The following ASAP2 variants were observed in gnomAD, a reference collection of about 807,000 sequenced individuals.
ASAP2 encodes the protein arf-GAP with SH3 domain, ANK repeat and PH domain-containing protein 2.
Under a neutral mutation model 131.4 loss-of-function variants are expected in ASAP2, and 45 were observed. The observed-to-expected ratio is 0.34, with a 90% confidence interval of 0.27 to 0.44. ASAP2 has a LOEUF of 0.44. ASAP2 is among the 20% of genes least tolerant of loss of function. ASAP2 has a pLI of 1.00. For missense variants in ASAP2, 1,011 were observed against 1,297.0 expected (o/e 0.78, Z 3.39); for synonymous variants, 510 against 503.0 (o/e 1.01, Z -0.19).
chr2:9,208,235 T>C (rs1661276949), intron 1 of ASAP2, among the ~76,000 whole-genome samples: 1 of 151,594 alleles, frequency 6.6e-6, no homozygotes, highest in Non-Finnish European at 1.5e-5. Context: ...CGTGTGGCAA[T>C]AGTGAATCTG....
intron 9 of ASAP2, among the ~76,000 whole-genome samples, chr2:9,335,403 G>A (rs1264165912): frequency 6.6e-6 from 1 of 152,166 alleles, no homozygotes; most frequent in Admixed American, 6.5e-5. Flanking sequence ...TGGCCTTAAT[G>A]GCGGTGTATA....
chr2:9,243,863 T>C (rs1332392678), intron 1 of ASAP2, among the ~76,000 whole-genome samples: 1 of 152,192 alleles, frequency 6.6e-6, no homozygotes. Context: ...TAGGAAATAG[T>C]GTAGTAAAAA....
chr2:9,325,835 C>G lies in ASAP2; in HGVS notation c.601-1991C>G, dbSNP rs79755039. Among the ~76,000 whole-genome samples the G allele has an allele frequency of 2.8e-3, 419 of 152,306 alleles. 2 individuals carry two copies. The highest frequency in any genetic ancestry group is 9.6e-3 in the African/African-American group (399 of 41,564). ...GGGTCCTGGCTCTGCAGAGCTGGCA[C>G]TTGGAGGGGTCAGGCACTAATGTTT... On this transcript the variant is annotated intron_variant, in intron 6 of 27. Coordinates refer to ENST00000281419, the MANE Select transcript of ASAP2 (RefSeq NM_003887.3).
In ASAP2 at chr2:9,311,678, C is replaced by T. The variant is rs569589996; in HGVS notation, c.346-6846C>T. Among the ~76,000 whole-genome samples, 5 of 152,216 alleles carry T rather than the reference C, an allele frequency of 3.3e-5. No individual in the cohort carries two copies. The highest frequency in any genetic ancestry group is 1.9e-4 in the East Asian group (1 of 5,196). On this transcript the variant is annotated intron_variant, in intron 3 of 27. Coordinates refer to ENST00000281419, the MANE Select transcript of ASAP2 (RefSeq NM_003887.3). The surrounding 1 kb of genome is among the most constrained non-coding windows in gnomAD (Gnocchi z 5.2). ...TTCTGGCTGTGGTTTCCGTCCCTCT[C>T]GGCCAGAACTCGAGGATGGCTCGTT...
intron 23 of ASAP2, 55 bp downstream of exon 23, chr2:9,391,251 CG>C: frequency 2.6e-6 from 4 of 1,565,324 alleles, no homozygotes; most frequent in Admixed American, 1.8e-5. Context: ...ATCTGGATGG[CG>C]GGGGGTGCTC....
intron 7 of ASAP2, among the ~76,000 whole-genome samples, chr2:9,331,597 G>T (rs1670842683): frequency 6.6e-6 from 1 of 152,072 alleles, no homozygotes; most frequent in Non-Finnish European, 1.5e-5. Context: ...GTGAAACCTG[G>T]TCTCTACTAA....
At chr2:9,252,989 A>T (rs1231469707) in intron 1 of ASAP2, among the ~76,000 whole-genome samples, 1 of 151,874 alleles carries the variant, frequency 6.6e-6, no homozygotes, top group South Asian at 2.1e-4. Flanking sequence ...TACACCAAGC[A>T]TCTTGACTAT....
In ASAP2 at chr2:9,392,422, AAAATTAAAAGCAG is replaced by A. The variant is rs1558398297; in HGVS notation, c.2519-1059_2519-1047del. Among the ~76,000 whole-genome samples the A allele has an allele frequency of 1.3e-5, 2 of 152,180 alleles. No homozygotes were observed. The highest frequency in any genetic ancestry group is 2.9e-5 in the Non-Finnish European group (2 of 68,030). Reference sequence around the variant, plus strand: ...GCTCGTGACTTCCTTAGAGTAAGTTAAAATTAAAAGCAGCCCAGCCCCAGCTAGAGTCAGTGCC... The same window carrying A: ...GCTCGTGACTTCCTTAGAGTAAGTTACCCAGCCCCAGCTAGAGTCAGTGCC... On this transcript the variant is annotated intron_variant, in intron 23 of 27. Coordinates refer to ENST00000281419, the MANE Select transcript of ASAP2 (RefSeq NM_003887.3). The surrounding 1 kb of genome is among the most constrained non-coding windows in gnomAD (Gnocchi z 4.0).
At chr2:9,254,887 T>A (rs1358448333) in intron 1 of ASAP2, among the ~76,000 whole-genome samples, 1 of 152,212 alleles carries the variant, frequency 6.6e-6, no homozygotes, top group Non-Finnish European at 1.5e-5. Context: ...TATGAACATT[T>A]GACTACAAGT....
intron 1 of ASAP2, among the ~76,000 whole-genome samples, chr2:9,225,532 G>C (rs1270912860): frequency 2.6e-5 from 4 of 152,174 alleles, no homozygotes; most frequent in African/African-American, 9.7e-5. Context: ...AGTAAGTCCA[G>C]GTGACAGGTG....
At chr2:9,391,973 TG>T (rs1675763259) in intron 23 of ASAP2, among the ~76,000 whole-genome samples, 1 of 152,132 alleles carries the variant, frequency 6.6e-6, no homozygotes, top group East Asian at 1.9e-4. Flanking sequence ...CTCCAACTCC[TG>T]GGTTCAAGGG....
chr2:9,241,741 C>T (rs973488488), intron 1 of ASAP2, among the ~76,000 whole-genome samples: 1 of 152,182 alleles, frequency 6.6e-6, no homozygotes, highest in Admixed American at 6.5e-5. Context: ...TTTTCAACTC[C>T]TCCAACATTA....
Position 9,232,217 on chromosome 2 carries a change from C to T in ASAP2, c.126+24987C>T, listed in dbSNP as rs374202514. 3.9e-5 allele frequency among the ~76,000 whole-genome samples: 6 copies of T among 152,328 alleles called. No homozygotes were observed. The South Asian group carries it at 6.2e-4, about 16-fold the overall frequency. The stretch of plus-strand genomic sequence containing the variant: ...GGCCCCTGCCTCCCTCCCACCCCAT[C>T]TCATCCATGCCTGTCCTCTGTGTCA... On this transcript the variant is annotated intron_variant, in intron 1 of 27. Transcript: ENST00000281419. The surrounding 1 kb of genome is among the most constrained non-coding windows in gnomAD (Gnocchi z 4.1).
chr2:9,292,299 C>T (rs1234185769), intron 2 of ASAP2, among the ~76,000 whole-genome samples: 1 of 152,066 alleles, frequency 6.6e-6, no homozygotes, highest in East Asian at 1.9e-4. Context: ...GAGGGTGGAT[C>T]ATGAGATCAG....
chr2:9,380,453 C>T (rs954088630), intron 19 of ASAP2, among the ~76,000 whole-genome samples: 1 of 152,206 alleles, frequency 6.6e-6, no homozygotes, highest in Non-Finnish European at 1.5e-5. Flanking sequence ...CCACCTCTGC[C>T]TCCCAAAGTG....
intron 3 of ASAP2, among the ~76,000 whole-genome samples, chr2:9,317,007 A>G (rs1669729584): frequency 7.2e-6 from 1 of 138,360 alleles, no homozygotes; most frequent in Non-Finnish European, 1.6e-5. Context: ...ACACTCTCAC[A>G]ACCACACTCA....
chr2:9,269,889 C>T (rs1224039100), intron 1 of ASAP2, among the ~76,000 whole-genome samples: 2 of 152,162 alleles, frequency 1.3e-5, no homozygotes, highest in African/African-American at 4.8e-5. Context: ...GTGCACCGTC[C>T]CCACTGTCCC....
At position 9,326,759 on chromosome 2, in the gene ASAP2, G is replaced by A. The variant is rs78681468; in HGVS notation, c.601-1067G>A. Among the ~76,000 whole-genome samples the A allele has an allele frequency of 3.1e-3, 472 of 152,184 alleles. 2 individuals are homozygous for A. Among genetic ancestry groups the A allele is most frequent in the African/African-American group, 0.011 (446 of 41,522 alleles). On this transcript the variant is annotated intron_variant, in intron 6 of 27. Transcript: ENST00000281419. Reference sequence around the variant, plus strand: ...TTTGGGTTTTATTGGCTTAGTGGCCGCACAGTATTTTCTGTATGGATGCAC... The same window carrying A: ...TTTGGGTTTTATTGGCTTAGTGGCCACACAGTATTTTCTGTATGGATGCAC...
chr2:9,258,725 G>C (rs1665354762), intron 1 of ASAP2, among the ~76,000 whole-genome samples: 1 of 152,190 alleles, frequency 6.6e-6, no homozygotes, highest in African/African-American at 2.4e-5. Context: ...ATCTCTTGAG[G>C]AACAGTAAAT....
Sources: gnomAD v4.1 joint callset for allele counts (sites outside exome capture counted in the v4.1 genomes callset) on GRCh38, gnomAD v4.1.1 for gene constraint, Gnocchi (gnomAD v3.1) non-coding constraint, MANE v1.5 for transcripts, NCBI Gene and HGNC (gene_info 2026-07-23, HGNC 2026-07-21) for gene names.